Variants in SLC24A3 observed in about 807,000 individuals in gnomAD.
SLC24A3 encodes sodium/potassium/calcium exchanger 3.
SLC24A3 carries 28 observed loss-of-function variants against 75.8 expected under a neutral mutation model. The ratio of observed to expected loss-of-function variants is 0.37; its 90% CI spans 0.27 to 0.51. The LOEUF is 0.51. Among genes scored for constraint, SLC24A3 ranks in the 20% least tolerant of loss-of-function variants. The pLI is 0.94. For missense variants in SLC24A3, 663 were observed against 847.8 expected, an observed-to-expected ratio of 0.78 and a Z score of 2.71; for synonymous variants, 372 against 334.1, an observed-to-expected ratio of 1.11 and a Z score of -1.24.
At chr20:19,637,013 G>T (rs577265821) in intron 6 of SLC24A3, among the ~76,000 whole-genome samples, 1 of 152,160 alleles carries the variant, frequency 6.6e-6, no homozygotes, top group Non-Finnish European at 1.5e-5. Flanking sequence ...AAAAGAAATT[G>T]TTGGCCTGGC....
intron 2 of SLC24A3, among the ~76,000 whole-genome samples, chr20:19,407,789 T>G (rs1986674458): frequency 1.3e-5 from 2 of 152,216 alleles, no homozygotes; most frequent in South Asian, 4.1e-4. Flanking sequence ...ATGGTCAGTC[T>G]CTATCATGGC....
intron 1 of SLC24A3, among the ~76,000 whole-genome samples, chr20:19,223,775 C>T (rs1262478678): frequency 2.6e-5 from 4 of 152,174 alleles, no homozygotes; most frequent in Non-Finnish European, 2.9e-5. Flanking sequence ...AGGTGCATGA[C>T]GTAGGCCTGT....
intron 9 of SLC24A3, among the ~76,000 whole-genome samples, chr20:19,677,686 C>CTTTTTTTTTTTTTTTTTTTATTTTT (rs2032541641): frequency 8.8e-6 from 1 of 113,934 alleles, no homozygotes; most frequent in African/African-American, 3.3e-5. Context: ...TTTTTTTTTT[C>CTTTTTTTTTTTTTTTTTTTATTTTT]TTTTTTTTTT....
intron 2 of SLC24A3, among the ~76,000 whole-genome samples, chr20:19,367,273 T>G (rs1180942202): frequency 6.6e-6 from 1 of 152,202 alleles, no homozygotes; most frequent in Non-Finnish European, 1.5e-5. Flanking sequence ...CTCTGGATAG[T>G]GGTCACAGGA....
intron 2 of SLC24A3, among the ~76,000 whole-genome samples, chr20:19,402,744 T>C (rs762197574): frequency 4.6e-5 from 7 of 152,196 alleles, no homozygotes; most frequent in African/African-American, 7.2e-5. Flanking sequence ...GTTCTAGTTA[T>C]ACATTAGGAA....
At chr20:19,542,578 G>C (rs942875617) in intron 3 of SLC24A3, among the ~76,000 whole-genome samples, 10 of 152,168 alleles carry the variant, frequency 6.6e-5, no homozygotes, top group African/African-American at 1.9e-4. Context: ...CCCAGAATGA[G>C]AGCTGCCTCC....
intron 2 of SLC24A3, among the ~76,000 whole-genome samples, chr20:19,321,725 G>A (rs16980362): frequency 0.074 from 11,288 of 152,182 alleles, 1,346 homozygotes; most frequent in African/African-American, 0.26. Context: ...CTTCCAAGAC[G>A]TTGAATAAAT....
At chr20:19,625,666 C>G (rs1276766839) in intron 6 of SLC24A3, among the ~76,000 whole-genome samples, 1 of 152,178 alleles carries the variant, frequency 6.6e-6, no homozygotes, top group African/African-American at 2.4e-5. Flanking sequence ...TCAATAACAG[C>G]TGCAATCATA....
At chr20:19,674,422 G>T (rs1439146728) in intron 9 of SLC24A3, among the ~76,000 whole-genome samples, 1 of 152,210 alleles carries the variant, frequency 6.6e-6, no homozygotes, top group Non-Finnish European at 1.5e-5. Context: ...TGGTGTGGGA[G>T]AACCTGCCTT....
At chr20:19,643,382 A>G (rs1342532530) in intron 6 of SLC24A3, among the ~76,000 whole-genome samples, 1 of 152,228 alleles carries the variant, frequency 6.6e-6, no homozygotes, top group East Asian at 1.9e-4. Flanking sequence ...TTCGTTGTTA[A>G]TTGATGAAAC....
chr20:19,495,381 A>G (rs1325968747), intron 2 of SLC24A3, among the ~76,000 whole-genome samples: 1 of 152,308 alleles, frequency 6.6e-6, no homozygotes, highest in Non-Finnish European at 1.5e-5. Flanking sequence ...TTTCCTTTCC[A>G]GCCCTTTCCT....
At chr20:19,638,148 A>G (rs1190399103) in intron 6 of SLC24A3, among the ~76,000 whole-genome samples, 1 of 149,576 alleles carries the variant, frequency 6.7e-6, no homozygotes, top group Non-Finnish European at 1.5e-5. Flanking sequence ...TTCAACTCCC[A>G]CTTAGGACTG....
chr20:19,248,384 T>C (rs1424208088), intron 1 of SLC24A3, among the ~76,000 whole-genome samples: 2 of 152,244 alleles, frequency 1.3e-5, no homozygotes. Flanking sequence ...TGACGATGGT[T>C]TTGTAAACTT....
At chr20:19,682,526 G>A (rs563391178) in intron 10 of SLC24A3, among the ~76,000 whole-genome samples, 14 of 152,182 alleles carry the variant, frequency 9.2e-5, no homozygotes, top group African/African-American at 2.4e-4. Context: ...ACATTTGCTC[G>A]AGTGCTGCAG....
At chr20:19,452,181 A>C (rs1024461990) in intron 2 of SLC24A3, among the ~76,000 whole-genome samples, 1 of 152,220 alleles carries the variant, frequency 6.6e-6, no homozygotes, top group Admixed American at 6.5e-5. Flanking sequence ...ACATTTGAGA[A>C]GCCAAGAGGA....
At chr20:19,578,943 C>T (rs1056833437) in intron 3 of SLC24A3, among the ~76,000 whole-genome samples, 8 of 152,060 alleles carry the variant, frequency 5.3e-5, no homozygotes, top group African/African-American at 1.9e-4. Flanking sequence ...GCAATGAGGG[C>T]TCCCAGCTTC....
chr20:19,458,825 A>T (rs1987621972), intron 2 of SLC24A3, among the ~76,000 whole-genome samples: 1 of 152,186 alleles, frequency 6.6e-6, no homozygotes, highest in Non-Finnish European at 1.5e-5. Context: ...TTTTTTAAAT[A>T]AGAATTGTAT....
chr20:19,282,745 G>A (rs898738618), intron 2 of SLC24A3, among the ~76,000 whole-genome samples: 5 of 152,216 alleles, frequency 3.3e-5, no homozygotes, highest in African/African-American at 1.2e-4. Flanking sequence ...ATTAGGTTCA[G>A]CCATATGCAG....
At chr20:19,439,270 C>T (rs1418073893) in intron 2 of SLC24A3, among the ~76,000 whole-genome samples, 12 of 152,244 alleles carry the variant, frequency 7.9e-5, no homozygotes, top group Admixed American at 7.8e-4. Context: ...TCAGGCCTCC[C>T]TCATCTTGAG....
Sources: allele counts gnomAD v4.1 joint callset (sites outside exome capture counted in the v4.1 genomes callset), GRCh38; gene constraint gnomAD v4.1.1; transcripts MANE v1.5; gene names NCBI Gene and HGNC (gene_info 2026-07-23, HGNC 2026-07-21).